The following GCC1 variants were observed in gnomAD, a reference collection of about 807,000 sequenced individuals.
GCC1 encodes the protein GRIP and coiled-coil domain-containing protein 1.
GCC1 carries 36 observed loss-of-function variants against 62.5 expected under a neutral mutation model. The ratio of observed to expected loss-of-function variants is 0.58; its 90% CI spans 0.44 to 0.76. GCC1 has a LOEUF of 0.76. GCC1 is among the 30% of genes least tolerant of loss of function. GCC1 has a pLI of 0.00. For missense variants in GCC1, 885 were observed against 948.3 expected (o/e 0.93, Z 0.88); for synonymous variants, 391 against 386.8 (o/e 1.01, Z -0.13).
In GCC1 at chr7:127,584,231, G is replaced by A. The variant is rs2117406245; in HGVS notation, c.952C>T (p.Pro318Ser). The change falls in exon 1 of 2, where the codon CCC becomes TCC. Residue 318 changes from proline to serine, a missense_variant. Transcript: ENST00000321407. ...TCTTCCTGAAGTTCTTGCAGCCGGG[G>A]ATCTGGCTGATTCTTCTCATCTCGA... ...AIRDEKNQPD[P>S]RLQELQEEAA... 2 of 1,613,634 alleles carry A rather than the reference G, an allele frequency of 1.2e-6. No homozygotes were observed. The highest frequency in any genetic ancestry group is 4.5e-5 in the East Asian group (2 of 44,864).
chr7:127,583,868 C>T lies in GCC1; in HGVS notation c.1032+283G>A, dbSNP rs188063368. On this transcript the variant is annotated intron_variant, in intron 1 of 1. Transcript: ENST00000321407. The stretch of plus-strand genomic sequence containing the variant: ...GCTACCTTTTACTATACAGCTGCCA[C>T]TATACTGCTTCATAGAGCACAGCTG... Among the ~76,000 whole-genome samples the T allele has an allele frequency of 2.3e-4, 35 of 152,344 alleles. No individual in the cohort carries two copies. In the East Asian group the frequency reaches 3.7e-3, roughly 16 times the overall value.
At position 127,583,325 on chromosome 7, in the gene GCC1, A is replaced by G; in HGVS notation, c.1033-16T>C. 1 of 1,566,524 alleles carries G rather than the reference A, an allele frequency of 6.4e-7. No homozygotes were observed. Among genetic ancestry groups the G allele is most frequent in the Non-Finnish European group, 8.7e-7 (1 of 1,155,482 alleles). Reference sequence around the variant, plus strand: ...CAAGAGCTGTCTGCAAAACAAGGGAACAGACAAAAATGCATCCACAAAAGC... The same window carrying G: ...CAAGAGCTGTCTGCAAAACAAGGGAGCAGACAAAAATGCATCCACAAAAGC... On this transcript the variant is annotated splice_polypyrimidine_tract_variant and intron_variant, in intron 1 of 1. Transcript: ENST00000321407.
Position 127,584,216 on chromosome 7 carries a change from G to A in GCC1, c.967C>T (p.Leu323Phe). 1 of 1,613,912 alleles carries A rather than the reference G, an allele frequency of 6.2e-7. No homozygotes were observed. The highest frequency in any genetic ancestry group is 2.2e-5 in the East Asian group (1 of 44,886). Residue 323 changes from leucine (L) to phenylalanine (F), a missense_variant, in exon 1 of 2, where the codon CTT (leucine) becomes TTT (phenylalanine). Coordinates refer to ENST00000321407, the MANE Select transcript of GCC1 (RefSeq NM_024523.6). The stretch of plus-strand genomic sequence containing the variant: ...TTAAGGCGGGCAGCCTCTTCCTGAA[G>A]TTCTTGCAGCCGGGGATCTGGCTGA... The part of the protein sequence containing the change: ...KNQPDPRLQE[L>F]QEEAARLKSH...
rs966624454 is a variant in GCC1 at position 127,580,841 on chromosome 7, A to T, written c.*1173T>A. 6.6e-6 allele frequency: 1 copy of T among 152,250 alleles called. No individual in the cohort carries two copies. The highest frequency in any genetic ancestry group is 2.4e-5 in the African/African-American group (1 of 41,474). The allele number at this position is 152,250 out of a possible 1,614,324, so 9.4% of individuals were successfully genotyped here. ...TTAGTGGCCAAACATTGGTCTTTAGAGTCCAAAGACCTCTATAACCAGTAA... is the reference window on the plus strand; with the variant it reads ...TTAGTGGCCAAACATTGGTCTTTAGTGTCCAAAGACCTCTATAACCAGTAA... On this transcript the variant is annotated 3_prime_UTR_variant, in exon 2 of 2. Coordinates refer to ENST00000321407, the MANE Select transcript of GCC1 (RefSeq NM_024523.6).
rs1333619807 is a variant in GCC1, at chr7:127,582,728, G to A, written c.1614C>T (p.Cys538=). ...KEKYISLRLS[C]EELEHQHQQE... ...GCTGGTGTTGGTGCTCCAGCTCCTCGCAGGAGAGCCGCAGGGAAATATACT... is the reference window on the plus strand; with the variant it reads ...GCTGGTGTTGGTGCTCCAGCTCCTCACAGGAGAGCCGCAGGGAAATATACT... Residue 538 remains cysteine, a synonymous_variant, in exon 2 of 2, where the codon TGC becomes TGT. Transcript: ENST00000321407. The surrounding 1 kb of genome is among the most constrained non-coding windows in gnomAD (Gnocchi z 4.8). The A allele has an allele frequency of 6.2e-6, 10 of 1,613,962 alleles. No homozygotes were observed. The highest frequency in any genetic ancestry group is 2.2e-5 in the South Asian group (2 of 91,088).
rs114327712 is a variant in GCC1, at chr7:127,581,573, T to C, written c.*441A>G. ...GTTTTATGTCCCCAGAGAATTGGGG[T>C]AGCAATGGACCAGACTCAGACTGTG... On this transcript the variant is annotated 3_prime_UTR_variant, in exon 2 of 2. Coordinates refer to ENST00000321407, the MANE Select transcript of GCC1 (RefSeq NM_024523.6). 0.02 allele frequency: 3,197 copies of C among 157,682 alleles called. 116 individuals are homozygous for C. The highest frequency in any genetic ancestry group is 0.073 in the African/African-American group (3,034 of 41,566). The allele number at this position is 157,682 out of a possible 1,614,324, so 9.8% of individuals were successfully genotyped here.
At chr7:127,584,074 A>C in intron 1 of GCC1, 77 bp downstream of exon 1, 3 of 1,311,206 alleles carry the variant, frequency 2.3e-6, no homozygotes, top group Non-Finnish European at 3.2e-6. Context: ...AGCTCTAACT[A>C]GCAAAGGAGG....
chr7:127,584,371 G>C lies in GCC1; in HGVS notation c.812C>G (p.Thr271Ser). 6.2e-7 allele frequency: 1 copy of C among 1,613,848 alleles called. No homozygotes were observed. Among genetic ancestry groups the C allele is most frequent in the South Asian group, 1.1e-5 (1 of 91,070 alleles). Residue 271 changes from threonine to serine, a missense_variant, in exon 1 of 2, where the codon ACC becomes AGC. By Grantham distance (58) the Thr-to-Ser change is moderately conservative. Transcript: ENST00000321407. ...TGCTCGTCCTGCCAAGGCTTCTCGG[G>C]TCTCTTCTAACCTAAGCTCCAAGTC... ...RQDLELRLEE[T>S]REALAGRAYA...
At position 127,582,750 on chromosome 7, in the gene GCC1, T is replaced by C; in HGVS notation, c.1592A>G (p.Tyr531Cys). Residue 531 changes from tyrosine (Y) to cysteine (C), a missense_variant, in exon 2 of 2, where the codon TAT becomes TGT. Coordinates refer to ENST00000321407, the MANE Select transcript of GCC1 (RefSeq NM_024523.6). The surrounding 1 kb of genome is among the most constrained non-coding windows in gnomAD (Gnocchi z 4.8). ...QEQLAELKEK[Y>C]ISLRLSCEEL... ...CTCGCAGGAGAGCCGCAGGGAAATA[T>C]ACTTCTCCTTCAGCTCTGCAAGCTG... is the stretch of plus-strand genomic sequence containing the variant. The C allele has an allele frequency of 2.5e-6, 4 of 1,614,172 alleles. No homozygotes were observed. Among genetic ancestry groups the C allele is most frequent in the East Asian group, 2.2e-5 (1 of 44,872 alleles).
chr7:127,584,084 G>A (rs920741398), intron 1 of GCC1, 67 bp downstream of exon 1: 1 of 1,433,994 alleles, frequency 7.0e-7, no homozygotes. Flanking sequence ...AGCAAAGGAG[G>A]AAAAAAACCC....
rs1228213472 is a variant in GCC1, at chr7:127,581,861, T to C, written c.*153A>G. ...AGGATAAAGCAGCATTAATGGCATTTGGCAGAAAATCCCTTCCCACATTGA... is the reference window on the plus strand; with the variant it reads ...AGGATAAAGCAGCATTAATGGCATTCGGCAGAAAATCCCTTCCCACATTGA... On this transcript the variant is annotated 3_prime_UTR_variant, in exon 2 of 2. Transcript: ENST00000321407. 4.2e-5 allele frequency: 27 copies of C among 637,448 alleles called. 1 individual carries two copies. The South Asian group carries it at 4.5e-4, about 11-fold the overall frequency. The allele number at this position is 637,448 out of a possible 1,614,324, so 39.5% of individuals were successfully genotyped here. A position where few individuals can be genotyped will look rare whatever the true frequency, so the allele number is the denominator to read the frequency against.
In GCC1 at chr7:127,582,482, A is replaced by C; in HGVS notation, c.1860T>G (p.Ser620Arg). The C allele has an allele frequency of 4.3e-6, 7 of 1,613,456 alleles. No homozygotes were observed. Among genetic ancestry groups the C allele is most frequent in the Non-Finnish European group, 5.9e-6 (7 of 1,179,994 alleles). Residue 620 changes from serine to arginine, a missense_variant, in exon 2 of 2, where the codon AGT (serine) becomes AGG (arginine). Coordinates refer to ENST00000321407, the MANE Select transcript of GCC1 (RefSeq NM_024523.6). This position sits in a 1 kb window ranked among gnomAD's most constrained non-coding sequence, Gnocchi z 4.8. The part of the protein sequence containing the change: ...ALASGLPGRR[S>R]PVGGGGPGDP... ...CCCCAGGACCGCCACCACCCACAGGACTTCTGCGTCCTGGCAGCCCAGAGG... is the reference window on the plus strand; with the variant it reads ...CCCCAGGACCGCCACCACCCACAGGCCTTCTGCGTCCTGGCAGCCCAGAGG...
Position 127,582,214 on chromosome 7 carries a change from T to C in GCC1, c.2128A>G (p.Ile710Val). The C allele has an allele frequency of 6.2e-7, 1 of 1,614,190 alleles. No individual in the cohort carries two copies. The highest frequency in any genetic ancestry group is 8.5e-7 in the Non-Finnish European group (1 of 1,180,024). The change falls in exon 2 of 2, where the codon ATC (isoleucine) becomes GTC (valine). Residue 710 changes from isoleucine to valine, a missense_variant. Transcript: ENST00000321407. The surrounding 1 kb of genome is among the most constrained non-coding windows in gnomAD (Gnocchi z 4.8). ...GCTCCCTCCCTGCTCTGGTCCCTGA[T>C]GTTCTTTTCGATGTGGCTCTGCAGG... ...AALQSHIEKN[I>V]RDQSREGANL...
Position 127,584,242 on chromosome 7 carries a change from T to G in GCC1, c.941A>C (p.Asn314Thr). The G allele has an allele frequency of 6.2e-7, 1 of 1,613,864 alleles. No individual in the cohort carries two copies. The highest frequency in any genetic ancestry group is 8.5e-7 in the Non-Finnish European group (1 of 1,179,998). The change falls in exon 1 of 2, where the codon AAT becomes ACT. Residue 314 changes from asparagine to threonine, a missense_variant. Transcript: ENST00000321407. ...TTCTTGCAGCCGGGGATCTGGCTGA[T>G]TCTTCTCATCTCGAATGGCCTGCAG... ...SELQAIRDEK[N>T]QPDPRLQELQ...
Position 127,584,332 on chromosome 7 carries a change from T to A in GCC1, c.851A>T (p.Gln284Leu), listed in dbSNP as rs1277693613. 6.2e-7 allele frequency: 1 copy of A among 1,613,836 alleles called. No individual in the cohort carries two copies. The highest frequency in any genetic ancestry group is 8.5e-7 in the Non-Finnish European group (1 of 1,179,968). ...ALAGRAYAAE[Q>L]MEGFELQTKQ... ...GGTCTGCAGTTCAAATCCTTCCATC[T>A]GTTCAGCTGCATATGCTCGTCCTGC... Residue 284 changes from glutamine to leucine, a missense_variant, in exon 1 of 2, where the codon CAG (glutamine) becomes CTG (leucine). Transcript: ENST00000321407.
intron 1 of GCC1, among the ~76,000 whole-genome samples, chr7:127,583,923 C>A (rs557464062): frequency 4.1e-4 from 63 of 152,262 alleles, no homozygotes; most frequent in African/African-American, 1.5e-3. Context: ...AAGTGCAGAG[C>A]TGTCTGGCTT....
In GCC1 at chr7:127,581,896, C is replaced by T. The variant is rs942631189; in HGVS notation, c.*118G>A. On this transcript the variant is annotated 3_prime_UTR_variant, in exon 2 of 2. Coordinates refer to ENST00000321407, the MANE Select transcript of GCC1 (RefSeq NM_024523.6). ...TCCCTTCCCACATTGAAGACTCCTC[C>T]CAGCTCAACACAGTGAAGAAATAAA... The T allele has an allele frequency of 5.0e-6, 4 of 806,632 alleles. No individual in the cohort carries two copies. Among genetic ancestry groups the T allele is most frequent in the African/African-American group, 1.7e-5 (1 of 58,040 alleles). 50.0% of individuals were successfully genotyped at this position (806,632 alleles called of 1,614,324 possible).
In GCC1 at chr7:127,581,123, C is replaced by G. The variant is rs1396774640; in HGVS notation, c.*891G>C. 2 of 152,172 alleles carry G rather than the reference C, an allele frequency of 1.3e-5. No individual in the cohort carries two copies. Among genetic ancestry groups the G allele is most frequent in the Non-Finnish European group, 2.9e-5 (2 of 68,042 alleles). 9.4% of individuals were successfully genotyped at this position (152,172 alleles called of 1,614,324 possible). ...CCTACAAAGGCAGAAAAGCTAGGGG[C>G]CAATCTCTGAGCTAATTCCTTGAAT... On this transcript the variant is annotated 3_prime_UTR_variant, in exon 2 of 2. Transcript: ENST00000321407.
Position 127,581,956 on chromosome 7 carries a change from G to T in GCC1, c.*58C>A. On this transcript the variant is annotated 3_prime_UTR_variant, in exon 2 of 2. Coordinates refer to ENST00000321407, the MANE Select transcript of GCC1 (RefSeq NM_024523.6). ...AAGAGAAGAGGCAGCAGAAACCAGA[G>T]CCTGCCCTTTCCCACATAAAAGAGG... 1 of 1,320,152 alleles carries T rather than the reference G, an allele frequency of 7.6e-7. No homozygotes were observed. Among genetic ancestry groups the T allele is most frequent in the Non-Finnish European group, 1.1e-6 (1 of 932,596 alleles). The allele number at this position is 1,320,152 out of a possible 1,614,324, so 81.8% of individuals were successfully genotyped here. A position where few individuals can be genotyped will look rare whatever the true frequency, so the allele number is the denominator to read the frequency against.
Sources: gnomAD v4.1 joint callset for allele counts (sites outside exome capture counted in the v4.1 genomes callset) on GRCh38, gnomAD v4.1.1 for gene constraint, Gnocchi (gnomAD v3.1) non-coding constraint, MANE v1.5 for transcripts, NCBI Gene and HGNC (gene_info 2026-07-23, HGNC 2026-07-21) for gene names.